The following USP6NL variants were observed in gnomAD, a reference collection of about 807,000 sequenced individuals.
USP6NL encodes the protein USP6 N-terminal-like protein.
A neutral mutation model predicts 61.9 loss-of-function variants in USP6NL; 26 were observed. That is an observed-to-expected ratio of 0.42 (90% confidence interval 0.31 to 0.58). The LOEUF (loss-of-function observed/expected upper bound fraction) is 0.58, where lower values mean the gene tolerates loss of function less well. Ranked by LOEUF, USP6NL falls within the 20% of genes least tolerant of loss-of-function variation. USP6NL has a pLI of 0.16. For missense variants in USP6NL, 1,114 were observed against 1,034.3 expected, an observed-to-expected ratio of 1.08 and a Z score of -1.06; for synonymous variants, 432 against 390.1, an observed-to-expected ratio of 1.11 and a Z score of -1.27.
chr10:11,565,448 T>TG (rs1242358941), intron 2 of USP6NL: 2 of 152,246 alleles, frequency 1.3e-5, no homozygotes, highest in Non-Finnish European at 2.9e-5. Context: ...GAGACCATCC[T>TG]GGCTAACATG....
In USP6NL at chr10:11,481,871, G is replaced by A; in HGVS notation, c.977C>T (p.Thr326Ile). 1 of 1,612,220 alleles carries A rather than the reference G, an allele frequency of 6.2e-7. No individual in the cohort carries two copies. Among genetic ancestry groups the A allele is most frequent in the Non-Finnish European group, 8.5e-7 (1 of 1,179,146 alleles). ...TTCAAAGAAAAAATCCTTTGCCAGG[G>A]TCTCCTGAAAAAATTCTACAAGTTC... ...MEELVEFFQE[T>I]LAKDFFFEDD... Residue 326 changes from threonine to isoleucine, a missense_variant, in exon 14 of 15, where the codon ACC becomes ATC. Transcript: ENST00000609104. This position sits in a 1 kb window ranked among gnomAD's most constrained non-coding sequence, Gnocchi z 4.4.
chr10:11,502,001 G>A (rs1481880728), intron 6 of USP6NL, among the ~76,000 whole-genome samples: 2 of 152,214 alleles, frequency 1.3e-5, no homozygotes, highest in African/African-American at 4.8e-5. Context: ...GCTCACGCCT[G>A]TAATCCCAGC....
At chr10:11,508,317 G>A (rs1469165035) in intron 6 of USP6NL, among the ~76,000 whole-genome samples, 1 of 152,090 alleles carries the variant, frequency 6.6e-6, no homozygotes, top group Admixed American at 6.5e-5. Context: ...CTTTGAAATG[G>A]GACACTATTA....
chr10:11,503,335 T>C (rs61847863), intron 6 of USP6NL, among the ~76,000 whole-genome samples: 10,882 of 152,248 alleles, frequency 0.071, 529 homozygotes, highest in South Asian at 0.19. Context: ...TCAGATATTA[T>C]TTTGTTGCTG....
chr10:11,488,524 G>A (rs1833574360), intron 10 of USP6NL, among the ~76,000 whole-genome samples: 1 of 152,190 alleles, frequency 6.6e-6, no homozygotes, highest in Admixed American at 6.5e-5. Context: ...CAGGTTCTGA[G>A]ATATTAAATA....
In USP6NL at chr10:11,598,626, C is replaced by T. The variant is rs1350357576; in HGVS notation, c.-83-909G>A. ...AACACAAAATGTACACCTGTACTAC[C>T]TCACATGTAGTTTCCTTCATAAACA... is the stretch of plus-strand genomic sequence containing the variant. On this transcript the variant is annotated intron_variant, in intron 1 of 14. Transcript: ENST00000609104. The surrounding 1 kb of genome is among the most constrained non-coding windows in gnomAD (Gnocchi z 4.7). Among the ~76,000 whole-genome samples, 1 of 152,136 alleles carries T rather than the reference C, an allele frequency of 6.6e-6. No homozygotes were observed. The highest frequency in any genetic ancestry group is 1.5e-5 in the Non-Finnish European group (1 of 68,014).
chr10:11,555,153 C>T (rs1185494220), intron 2 of USP6NL, among the ~76,000 whole-genome samples: 11 of 142,462 alleles, frequency 7.7e-5, no homozygotes, highest in Non-Finnish European at 1.4e-4. Flanking sequence ...CAGTGGCTCA[C>T]GGCTCTAATC....
At chr10:11,570,470 C>T (rs1325440560) in intron 2 of USP6NL, among the ~76,000 whole-genome samples, 3 of 152,086 alleles carry the variant, frequency 2.0e-5, no homozygotes, top group African/African-American at 7.2e-5. Context: ...CCTTCAAGGC[C>T]CTTATTCAAA....
At chr10:11,516,371 T>C (rs910773449) in intron 5 of USP6NL, among the ~76,000 whole-genome samples, 1 of 152,224 alleles carries the variant, frequency 6.6e-6, no homozygotes, top group Non-Finnish European at 1.5e-5. Flanking sequence ...AAGGCTATCA[T>C]TTCTAGACTT....
rs1377686387 is a variant in USP6NL at position 11,499,231 on chromosome 10, C to G, written c.384+1870G>C. 6.6e-6 allele frequency among the ~76,000 whole-genome samples: 1 copy of G among 152,076 alleles called. No individual in the cohort carries two copies. Among genetic ancestry groups the G allele is most frequent in the Non-Finnish European group, 1.5e-5 (1 of 68,022 alleles). ...AAAAAAAGTTGGCTAAATAATGATG[C>G]TGGGGGAAACTCAAATAGTAAAAAT... On this transcript the variant is annotated intron_variant, in intron 7 of 14. Transcript: ENST00000609104. The surrounding 1 kb of genome is among the most constrained non-coding windows in gnomAD (Gnocchi z 4.5).
At chr10:11,593,878 T>C (rs114606573) in intron 2 of USP6NL, among the ~76,000 whole-genome samples, 104 of 152,310 alleles carry the variant, frequency 6.8e-4, no homozygotes, top group Middle Eastern at 3.4e-3. Context: ...GATGTACAGC[T>C]ATGACCATGT....
rs1174095891 is a variant in USP6NL, at chr10:11,597,953, A to G, written c.-83-236T>C. Among the ~76,000 whole-genome samples the G allele has an allele frequency of 6.6e-6, 1 of 152,224 alleles. No individual in the cohort carries two copies. The highest frequency in any genetic ancestry group is 2.4e-5 in the African/African-American group (1 of 41,456). On this transcript the variant is annotated intron_variant, in intron 1 of 14. Transcript: ENST00000609104. This position sits in a 1 kb window ranked among gnomAD's most constrained non-coding sequence, Gnocchi z 4.6. ...AAATTTAAGTGATATGTAGTAAGTA[A>G]TCACCACATAGAAACTTACTAACAG...
intron 2 of USP6NL, among the ~76,000 whole-genome samples, chr10:11,546,568 ATTGTTGTTGTTG>A (rs5783219): frequency 2.0e-5 from 3 of 151,180 alleles, no homozygotes; most frequent in East Asian, 2.0e-4. Context: ...TGTCCGGCTA[ATTGTTGTTGTTG>A]TTGTTGTTGT....
chr10:11,581,835 C>G (rs1013009076), intron 2 of USP6NL, among the ~76,000 whole-genome samples: 1 of 152,054 alleles, frequency 6.6e-6, no homozygotes, highest in Non-Finnish European at 1.5e-5. Flanking sequence ...TGTGGTGGCT[C>G]GATCTCAGCT....
Position 11,529,606 on chromosome 10 carries a change from C to A in USP6NL, c.5-2039G>T, listed in dbSNP as rs141724015. On this transcript the variant is annotated intron_variant, in intron 2 of 14. Coordinates refer to ENST00000609104, the MANE Select transcript of USP6NL (RefSeq NM_014688.5). The stretch of plus-strand genomic sequence containing the variant: ...TTTGGGGGATGTGTGAATAACTAAA[C>A]AGAATGATTCAATAAAATAAAAATA... Among the ~76,000 whole-genome samples, 373 of 152,228 alleles carry A rather than the reference C, an allele frequency of 2.5e-3. 2 individuals carry two copies. The highest frequency in any genetic ancestry group is 8.3e-3 in the African/African-American group (343 of 41,530).
intron 1 of USP6NL, among the ~76,000 whole-genome samples, chr10:11,610,925 A>C (rs147656553): frequency 2.2e-4 from 33 of 152,234 alleles, no homozygotes; most frequent in African/African-American, 7.7e-4. Context: ...TGTGAGCGCC[A>C]AACTATTTTG....
At chr10:11,507,374 T>C (rs553357327) in intron 6 of USP6NL, among the ~76,000 whole-genome samples, 87 of 152,312 alleles carry the variant, frequency 5.7e-4, no homozygotes, top group African/African-American at 2.0e-3. Flanking sequence ...AGAACAGATG[T>C]TGTAACTAAT....
At position 11,562,875 on chromosome 10, in the gene USP6NL, C is replaced by T; in HGVS notation, c.4+34756G>A. 15 of 682,080 alleles carry T rather than the reference C, an allele frequency of 2.2e-5. No homozygotes were observed. The highest frequency in any genetic ancestry group is 2.7e-5 in the Non-Finnish European group (15 of 553,436). The allele number at this position is 682,080 out of a possible 1,614,324, so 42.3% of individuals were successfully genotyped here. On this transcript the variant is annotated intron_variant, in intron 2 of 14. Transcript: ENST00000609104. The surrounding 1 kb of genome is among the most constrained non-coding windows in gnomAD (Gnocchi z 4.8). ...GGTAGTTTCTTGAAAAAGTAGACAT[C>T]CACTTACCATGCAATCTATGAATCA...
intron 6 of USP6NL, 130 bp downstream of exon 6, chr10:11,509,465 T>G: frequency 1.3e-6 from 1 of 765,798 alleles, no homozygotes; most frequent in Non-Finnish European, 2.1e-6. Context: ...CGAGGCATAC[T>G]GCTAAATTAA....
Sources: gnomAD v4.1 joint callset for allele counts (sites outside exome capture counted in the v4.1 genomes callset) on GRCh38, gnomAD v4.1.1 for gene constraint, Gnocchi (gnomAD v3.1) non-coding constraint, MANE v1.5 for transcripts, NCBI Gene and HGNC (gene_info 2026-07-23, HGNC 2026-07-21) for gene names.